Variants in STRN3 observed in about 807,000 individuals in gnomAD.
The protein encoded by STRN3 is striatin-3.
A neutral mutation model predicts 95.6 loss-of-function variants in STRN3; 29 were observed. That is an observed-to-expected ratio of 0.30 (90% CI 0.23 to 0.41). The LOEUF (loss-of-function observed/expected upper bound fraction) is 0.41, where lower values mean the gene tolerates loss of function less well. STRN3 is among the 10% of genes least tolerant of loss of function. STRN3 has a pLI of 1.00. For synonymous variants in STRN3, 331 were observed against 357.6 expected (o/e 0.93, Z 0.84); for missense variants, 890 against 972.1 (o/e 0.92, Z 1.12).
intron 1 of STRN3, among the ~76,000 whole-genome samples, chr14:31,004,749 G>A (rs562003616): frequency 4.4e-4 from 67 of 152,176 alleles, no homozygotes; most frequent in African/African-American, 1.5e-3. Flanking sequence ...CTGCAGCCTG[G>A]GCAACAAGAG....
intron 16 of STRN3, among the ~76,000 whole-genome samples, chr14:30,901,014 AAATCTTCAAT>A (rs1412676776): frequency 6.6e-6 from 1 of 152,210 alleles, no homozygotes; most frequent in African/African-American, 2.4e-5. Context: ...ATATAACTGT[AAATCTTCAAT>A]AATTAATAAA....
intron 8 of STRN3, among the ~76,000 whole-genome samples, chr14:30,924,640 T>C (rs927985423): frequency 6.6e-6 from 1 of 152,110 alleles, no homozygotes; most frequent in Non-Finnish European, 1.5e-5. Context: ...AGATGATCAG[T>C]TGAGGCCAGG....
At chr14:30,935,137 C>A (rs1252973178) in intron 7 of STRN3, 26 bp downstream of exon 7, 1 of 1,609,522 alleles carries the variant, frequency 6.2e-7, no homozygotes, top group East Asian at 2.2e-5. Flanking sequence ...GATTTCCTCC[C>A]ACCCGGTATT....
intron 16 of STRN3, among the ~76,000 whole-genome samples, 190 bp from the exon 17 acceptor site, chr14:30,895,938 C>A (rs534976897): frequency 6.6e-6 from 1 of 152,200 alleles, no homozygotes; most frequent in South Asian, 2.1e-4. Flanking sequence ...AGAACATTCA[C>A]AATGTTACAC....
intron 7 of STRN3, among the ~76,000 whole-genome samples, chr14:30,931,190 T>C (rs541920170): frequency 6.6e-6 from 1 of 151,986 alleles, no homozygotes; most frequent in African/African-American, 2.4e-5. Context: ...AAAGAACAGG[T>C]TGGTGAATGC....
intron 1 of STRN3, among the ~76,000 whole-genome samples, chr14:31,022,339 C>G (rs1404058705): frequency 6.7e-6 from 1 of 150,240 alleles, no homozygotes; most frequent in East Asian, 2.0e-4. Context: ...AAGATGGTGC[C>G]ACTGCACTCC....
At chr14:30,994,307 T>TTA (rs1364652468) in intron 1 of STRN3, among the ~76,000 whole-genome samples, 1 of 152,198 alleles carries the variant, frequency 6.6e-6, no homozygotes, top group Non-Finnish European at 1.5e-5. Flanking sequence ...TTCATATACT[T>TTA]TAGATATCTT....
At chr14:30,939,347 T>C (rs1339231562) in intron 5 of STRN3, among the ~76,000 whole-genome samples, 1 of 151,806 alleles carries the variant, frequency 6.6e-6, no homozygotes, top group Non-Finnish European at 1.5e-5. Flanking sequence ...AAAACAAAAA[T>C]GAGGTAGGGT....
chr14:30,912,380 C>T (rs956116638), intron 10 of STRN3, 198 bp from the exon 11 acceptor site: 6 of 436,852 alleles, frequency 1.4e-5, no homozygotes, highest in African/African-American at 6.1e-5. Context: ...TAATTTCATT[C>T]GCCTTACAAA....
intron 16 of STRN3, among the ~76,000 whole-genome samples, chr14:30,900,765 A>ATT (rs1487041324): frequency 6.7e-6 from 1 of 148,508 alleles, no homozygotes; most frequent in African/African-American, 2.5e-5. Flanking sequence ...AAAAAAAAGG[A>ATT]TTTTTTTTTC....
chr14:30,944,531 A>T (rs541170785), intron 5 of STRN3, among the ~76,000 whole-genome samples: 1 of 139,434 alleles, frequency 7.2e-6, no homozygotes, highest in African/African-American at 2.6e-5. Flanking sequence ...ATATACACAT[A>T]TATATACATG....
chr14:30,907,510 A>G (rs184956179), intron 13 of STRN3, among the ~76,000 whole-genome samples: 194 of 152,274 alleles, frequency 1.3e-3, no homozygotes, highest in African/African-American at 4.5e-3. Context: ...CTCTGTCTCT[A>G]TAGATGTGTC....
chr14:30,908,561 A>G (rs1896527068), intron 13 of STRN3, among the ~76,000 whole-genome samples: 1 of 152,208 alleles, frequency 6.6e-6, no homozygotes, highest in South Asian at 2.1e-4. Context: ...CTAGTCACTT[A>G]TAAAAAGGAA....
chr14:30,906,607 T>A (rs1257763304), intron 14 of STRN3, among the ~76,000 whole-genome samples: 1 of 152,158 alleles, frequency 6.6e-6, no homozygotes, highest in Non-Finnish European at 1.5e-5. Flanking sequence ...GTTGTCCCTA[T>A]GAGTATCCTC....
chr14:30,901,724 CA>C (rs1345710652), intron 16 of STRN3, among the ~76,000 whole-genome samples: 1 of 151,964 alleles, frequency 6.6e-6, no homozygotes, highest in Non-Finnish European at 1.5e-5. Flanking sequence ...AACAAACAAA[CA>C]AAAAACAACC....
chr14:31,005,441 G>A (rs1882671666), intron 1 of STRN3, among the ~76,000 whole-genome samples: 3 of 152,250 alleles, frequency 2.0e-5, no homozygotes, highest in Non-Finnish European at 2.9e-5. Context: ...GGTAAACATA[G>A]AGTAGCTACC....
At chr14:31,011,163 G>A (rs369662308) in intron 1 of STRN3, among the ~76,000 whole-genome samples, 2 of 152,134 alleles carry the variant, frequency 1.3e-5, no homozygotes, top group Admixed American at 6.6e-5. Flanking sequence ...AGGATCAAAC[G>A]AGGGCTTGAC....
intron 9 of STRN3, among the ~76,000 whole-genome samples, chr14:30,917,969 T>C (rs73257912): frequency 0.067 from 10,190 of 152,206 alleles, 527 homozygotes; most frequent in East Asian, 0.21. Flanking sequence ...TTAATACTTA[T>C]AAATATCTAG....
intron 1 of STRN3, among the ~76,000 whole-genome samples, chr14:31,011,661 T>G (rs1162802157): frequency 2.0e-5 from 3 of 150,462 alleles, no homozygotes; most frequent in African/African-American, 7.3e-5. Context: ...AAAATAAAAT[T>G]GCAAAACATG....
Sources: gnomAD v4.1 joint callset for allele counts (sites outside exome capture counted in the v4.1 genomes callset) on GRCh38, gnomAD v4.1.1 for gene constraint, MANE v1.5 for transcripts, NCBI Gene and HGNC (gene_info 2026-07-23, HGNC 2026-07-21) for gene names.